GNG7: variants seen among roughly 807,000 people sequenced by gnomAD.
GNG7 encodes guanine nucleotide-binding protein G(I)/G(S)/G(O) subunit gamma-7.
In GNG7, 1 loss-of-function variant was observed where a neutral mutation model predicts 4.0. That is an observed-to-expected ratio of 0.25 (90% CI 0.09 to 1.18). The LOEUF is 1.18. Ranked by LOEUF, GNG7 falls within the 50% of genes most tolerant of loss-of-function variation. The probability of loss-of-function intolerance (pLI) is 0.50; values close to 1 mark genes in which losing one functional copy is unlikely to be tolerated. For missense variants in GNG7, 86 were observed against 91.9 expected, an observed-to-expected ratio of 0.94 and a Z score of 0.26; for synonymous variants, 34 against 36.9, an observed-to-expected ratio of 0.92 and a Z score of 0.29.
In GNG7 at chr19:2,606,986, C is replaced by T. The variant is rs1019455553; in HGVS notation, c.-78+39238G>A. Among the ~76,000 whole-genome samples the T allele has an allele frequency of 4.0e-5, 6 of 151,556 alleles. No homozygotes were observed. The South Asian group carries it at 6.3e-4, about 16-fold the overall frequency. ...CTGTAATCCCAGCACCTCAGGAGGC[C>T]GAGGCGGGGGGATCATTTGAGCCCA... On this transcript the variant is annotated intron_variant, in intron 2 of 4. Transcript: ENST00000382159.
At chr19:2,645,804 G>C (rs1012707030) in intron 2 of GNG7, among the ~76,000 whole-genome samples, 1 of 152,094 alleles carries the variant, frequency 6.6e-6, no homozygotes, top group Non-Finnish European at 1.5e-5. Flanking sequence ...ATTCTCTAGG[G>C]AGAAAAACGA....
chr19:2,576,541 GTATTTATTTATT>G (rs111791355), intron 2 of GNG7, among the ~76,000 whole-genome samples: 4 of 151,950 alleles, frequency 2.6e-5, no homozygotes, highest in African/African-American at 9.7e-5. Flanking sequence ...ATTTTATTAT[GTATTTATTTATT>G]TATTTATTTA....
At chr19:2,582,979 A>G (rs546863676) in intron 2 of GNG7, among the ~76,000 whole-genome samples, 107 of 151,778 alleles carry the variant, frequency 7.0e-4, no homozygotes, top group African/African-American at 2.5e-3. Context: ...AAATTGTTAA[A>G]TATTTTTGTA....
intron 1 of GNG7, among the ~76,000 whole-genome samples, chr19:2,684,677 C>A (rs1286640073): frequency 1.3e-5 from 2 of 152,144 alleles, no homozygotes; most frequent in East Asian, 3.9e-4. Flanking sequence ...CCAGAGCCCT[C>A]AGATTCACAG....
chr19:2,570,895 T>C (rs867553130), intron 2 of GNG7, among the ~76,000 whole-genome samples: 12 of 152,102 alleles, frequency 7.9e-5, no homozygotes, highest in Admixed American at 6.6e-4. Flanking sequence ...CCTCCTGAGC[T>C]CAACCGATCC....
At position 2,513,502 on chromosome 19, in the gene GNG7, T is replaced by A. The variant is rs925406539; in HGVS notation, c.*1520A>T. On this transcript the variant is annotated 3_prime_UTR_variant, in exon 5 of 5. Transcript: ENST00000382159. ...CGTGCCGCAGAGGAGGACGCAGTCA[T>A]CTTTCAGAAGCCTCCCCCCGACCCC... is the stretch of plus-strand genomic sequence containing the variant. 1 of 985,360 alleles carries A rather than the reference T, an allele frequency of 1.0e-6. No individual in the cohort carries two copies. The highest frequency in any genetic ancestry group is 1.2e-6 in the Non-Finnish European group (1 of 830,018). The allele number at this position is 985,360 out of a possible 1,614,324, so 61.0% of individuals were successfully genotyped here.
chr19:2,678,279 G>A (rs1295616151), intron 1 of GNG7, among the ~76,000 whole-genome samples: 1 of 152,162 alleles, frequency 6.6e-6, no homozygotes, highest in African/African-American at 2.4e-5. Flanking sequence ...GGGGGAGCGA[G>A]ATATACAAGA....
Position 2,617,730 on chromosome 19 carries a change from T to TA in GNG7, c.-78+28493_-78+28494insT, listed in dbSNP as rs1039309074. 1.3e-5 allele frequency among the ~76,000 whole-genome samples: 2 copies of TA among 151,908 alleles called. No homozygotes were observed. Among genetic ancestry groups the TA allele is most frequent in the African/African-American group, 4.8e-5 (2 of 41,346 alleles). ...TTTGTCTTTTCCTTTTTATTTTTTT[T>TA]TTTTTTGAGATAGGGTCTTGCTCTG... On this transcript the variant is annotated intron_variant, in intron 2 of 4. Transcript: ENST00000382159. This position sits in a 1 kb window ranked among gnomAD's most constrained non-coding sequence, Gnocchi z 4.7.
At chr19:2,529,089 G>A (rs1000421148) in intron 3 of GNG7, among the ~76,000 whole-genome samples, 2 of 152,180 alleles carry the variant, frequency 1.3e-5, no homozygotes, top group African/African-American at 4.8e-5. Context: ...CCCCACCGCC[G>A]GCCCTGGAGA....
chr19:2,666,402 AC>A (rs1410704901), intron 1 of GNG7, among the ~76,000 whole-genome samples: 1 of 152,104 alleles, frequency 6.6e-6, no homozygotes, highest in Non-Finnish European at 1.5e-5. Flanking sequence ...TAAACTCTTG[AC>A]CTCAGGTGAT....
intron 2 of GNG7, among the ~76,000 whole-genome samples, chr19:2,620,105 G>C (rs545214846): frequency 1.3e-5 from 2 of 151,834 alleles, no homozygotes; most frequent in East Asian, 1.9e-4. Context: ...GCTGAGGCAG[G>C]AGAATTGCTT....
At chr19:2,647,343 G>A (rs914046048) in intron 1 of GNG7, among the ~76,000 whole-genome samples, 9 of 152,082 alleles carry the variant, frequency 5.9e-5, no homozygotes, top group South Asian at 2.1e-4. Context: ...GGCGTGTCCC[G>A]CGTGACACAT....
Position 2,636,504 on chromosome 19 carries a change from G to A in GNG7, c.-78+9720C>T, listed in dbSNP as rs111264861. Among the ~76,000 whole-genome samples the A allele has an allele frequency of 5.8e-3, 879 of 152,260 alleles. 9 individuals are homozygous for A. The highest frequency in any genetic ancestry group is 0.02 in the African/African-American group (830 of 41,526). ...ACCTGCACTCTCCCAGGGCCACCCA[G>A]CCCTCCAGGGATGCTTTATGCCTTC... On this transcript the variant is annotated intron_variant, in intron 2 of 4. Transcript: ENST00000382159.
At chr19:2,657,406 A>AC (rs1379164742) in intron 1 of GNG7, among the ~76,000 whole-genome samples, 4 of 128,578 alleles carry the variant, frequency 3.1e-5, no homozygotes, top group Non-Finnish European at 6.6e-5. Flanking sequence ...ATATACACAT[A>AC]ATAACATTTA....
chr19:2,668,319 A>C (rs187486488), intron 1 of GNG7, among the ~76,000 whole-genome samples: 1 of 152,320 alleles, frequency 6.6e-6, no homozygotes, highest in East Asian at 1.9e-4. Flanking sequence ...CATTAAGTTC[A>C]TGTGCCAGCA....
rs572090488 is a variant in GNG7, at chr19:2,521,531, C to T, written c.-37-806G>A. Among the ~76,000 whole-genome samples the T allele has an allele frequency of 1.8e-4, 27 of 151,768 alleles. No individual in the cohort carries two copies. The East Asian group carries it at 4.9e-3, about 27-fold the overall frequency. On this transcript the variant is annotated intron_variant, in intron 3 of 4. Transcript: ENST00000382159. Reference sequence around the variant, plus strand: ...GCCCCACGCCAGGGAAGGATCCGAACGCGATATCCATAGTACCCAGGGGAG... The same window carrying T: ...GCCCCACGCCAGGGAAGGATCCGAATGCGATATCCATAGTACCCAGGGGAG...
chr19:2,528,000 G>C (rs887305968), intron 3 of GNG7, among the ~76,000 whole-genome samples: 1 of 152,156 alleles, frequency 6.6e-6, no homozygotes, highest in African/African-American at 2.4e-5. Flanking sequence ...AGGCGTGGTG[G>C]CTCATGCCTG....
At chr19:2,624,504 C>G (rs1253974492) in intron 2 of GNG7, among the ~76,000 whole-genome samples, 2 of 138,970 alleles carry the variant, frequency 1.4e-5, no homozygotes, top group African/African-American at 2.8e-5. Flanking sequence ...TAACTCCAGC[C>G]TGGGAGACAG....
chr19:2,592,918 A>T (rs530558525), intron 2 of GNG7, among the ~76,000 whole-genome samples: 1 of 138,716 alleles, frequency 7.2e-6, no homozygotes, highest in Admixed American at 7.3e-5. Context: ...AGAAGGAAGG[A>T]AGGAGAGGGA....
Sources: allele counts gnomAD v4.1 joint callset (sites outside exome capture counted in the v4.1 genomes callset), GRCh38; gene constraint gnomAD v4.1.1; non-coding constraint Gnocchi (gnomAD v3.1); transcripts MANE v1.5; gene names NCBI Gene and HGNC (gene_info 2026-07-23, HGNC 2026-07-21).